The following NECAB1 variants were observed in gnomAD, a reference collection of about 807,000 sequenced individuals.
NECAB1 encodes N-terminal EF-hand calcium binding protein 1.
Under a neutral mutation model 57.5 loss-of-function variants are expected in NECAB1, and 29 were observed. The observed-to-expected ratio is 0.50, with a 90% CI of 0.38 to 0.69. The LOEUF is 0.69. Ranked by LOEUF, NECAB1 falls within the 30% of genes least tolerant of loss-of-function variation. The probability of loss-of-function intolerance (pLI) is 0.00; values close to 1 mark genes in which losing one functional copy is unlikely to be tolerated. For missense variants in NECAB1, 372 were observed against 413.8 expected (o/e 0.90, Z 0.88); for synonymous variants, 142 against 147.7 (o/e 0.96, Z 0.28).
chr8:90,827,541 G>T (rs1812244810), intron 3 of NECAB1, among the ~76,000 whole-genome samples: 1 of 151,996 alleles, frequency 6.6e-6, no homozygotes, highest in South Asian at 2.1e-4. Flanking sequence ...TTCTAAGACA[G>T]TGTTACCCAA....
intron 3 of NECAB1, among the ~76,000 whole-genome samples, chr8:90,833,525 C>A (rs962806635): frequency 1.6e-4 from 25 of 151,996 alleles, no homozygotes; most frequent in African/African-American, 5.8e-4. Context: ...TGTTTAAATT[C>A]TTTTTTAAAC....
chr8:90,913,594 T>G (rs1210761995), intron 5 of NECAB1, among the ~76,000 whole-genome samples: 7 of 152,222 alleles, frequency 4.6e-5, no homozygotes, highest in Non-Finnish European at 1.0e-4. Flanking sequence ...AAGGAATGCA[T>G]GCCTTATGCC....
chr8:90,902,291 A>G (rs914753194), intron 5 of NECAB1, among the ~76,000 whole-genome samples: 3 of 152,136 alleles, frequency 2.0e-5, no homozygotes, highest in African/African-American at 7.2e-5. Flanking sequence ...ACAATGGCAC[A>G]TGCCTGTAGT....
rs945634437 is a variant in NECAB1, at chr8:90,824,881, C to T, written c.233+56C>T. On this transcript the variant is annotated intron_variant, in intron 3 of 12. Coordinates refer to ENST00000417640, the MANE Select transcript of NECAB1 (RefSeq NM_022351.5). The stretch of plus-strand genomic sequence containing the variant: ...AAGTGAGGCACAGAGAGCGTGAATG[C>T]ATTCATGTCCAGGAAGAAGAAAGGG... The T allele has an allele frequency of 9.9e-5, 84 of 852,608 alleles. No homozygotes were observed. In the African/African-American group the frequency reaches 1.3e-3, roughly 13 times the overall value. The allele number at this position is 852,608 out of a possible 1,614,324, so 52.8% of individuals were successfully genotyped here.
intron 5 of NECAB1, among the ~76,000 whole-genome samples, chr8:90,908,497 T>C (rs1809749201): frequency 1.3e-5 from 2 of 152,292 alleles, no homozygotes; most frequent in South Asian, 4.1e-4. Flanking sequence ...AATTTGGAAG[T>C]GTTTACAGAT....
chr8:90,855,645 G>C (rs1281666501), intron 3 of NECAB1, among the ~76,000 whole-genome samples: 2 of 152,200 alleles, frequency 1.3e-5, no homozygotes, highest in Non-Finnish European at 2.9e-5. Context: ...GATTTCTTAT[G>C]TAAGGTCTTT....
At chr8:90,865,993 C>T (rs1477809097) in intron 3 of NECAB1, among the ~76,000 whole-genome samples, 1 of 152,128 alleles carries the variant, frequency 6.6e-6, no homozygotes, top group Admixed American at 6.6e-5. Flanking sequence ...TTGCTGTTAA[C>T]CTGATTTTTA....
chr8:90,906,879 ATAT>A, intron 5 of NECAB1, among the ~76,000 whole-genome samples: 1 of 89,144 alleles, frequency 1.1e-5, no homozygotes, highest in South Asian at 3.7e-4. Flanking sequence ...ATATACACAT[ATAT>A]ATATATATAT....
intron 3 of NECAB1, among the ~76,000 whole-genome samples, chr8:90,855,422 A>G (rs1812776158): frequency 6.6e-6 from 1 of 152,216 alleles, no homozygotes; most frequent in African/African-American, 2.4e-5. Context: ...TCAAATGTGC[A>G]GATAGAGATA....
At chr8:90,915,176 C>T (rs1369396029) in intron 5 of NECAB1, among the ~76,000 whole-genome samples, 7 of 152,032 alleles carry the variant, frequency 4.6e-5, no homozygotes, top group Admixed American at 2.0e-4. Context: ...TTGGTATAAT[C>T]CCTGACTTTG....
chr8:90,947,454 G>A (rs1172307080), intron 10 of NECAB1, among the ~76,000 whole-genome samples: 4 of 147,752 alleles, frequency 2.7e-5, no homozygotes, highest in Admixed American at 1.4e-4. Flanking sequence ...AGGCTGGAGT[G>A]CAGTGGCTTG....
At chr8:90,794,238 G>A (rs1811623019) in intron 1 of NECAB1, among the ~76,000 whole-genome samples, 1 of 152,170 alleles carries the variant, frequency 6.6e-6, no homozygotes, top group Admixed American at 6.5e-5. Flanking sequence ...TTAGGGATTT[G>A]TGAATTATTC....
intron 3 of NECAB1, among the ~76,000 whole-genome samples, chr8:90,827,338 C>G (rs951686097): frequency 6.6e-6 from 1 of 151,984 alleles, no homozygotes; most frequent in Non-Finnish European, 1.5e-5. Flanking sequence ...CTCACTGTCT[C>G]ACACTGTTTG....
chr8:90,807,422 C>T (rs1032802107), intron 2 of NECAB1, among the ~76,000 whole-genome samples: 1 of 152,144 alleles, frequency 6.6e-6, no homozygotes, highest in African/African-American at 2.4e-5. Flanking sequence ...AGGTTCGGTA[C>T]GTATGAGTAT....
At chr8:90,903,542 A>G (rs1809561110) in intron 5 of NECAB1, among the ~76,000 whole-genome samples, 1 of 152,194 alleles carries the variant, frequency 6.6e-6, no homozygotes, top group African/African-American at 2.4e-5. Context: ...TGAACAAAAA[A>G]GTCAAAACTT....
At chr8:90,814,982 T>C (rs1812034280) in intron 2 of NECAB1, among the ~76,000 whole-genome samples, 1 of 152,120 alleles carries the variant, frequency 6.6e-6, no homozygotes, top group African/African-American at 2.4e-5. Flanking sequence ...TACCCATGGG[T>C]ATCTATACTG....
At chr8:90,854,684 C>T (rs1586060918) in intron 3 of NECAB1, among the ~76,000 whole-genome samples, 2 of 152,330 alleles carry the variant, frequency 1.3e-5, no homozygotes, top group Admixed American at 6.5e-5. Flanking sequence ...ATGTGGTTAT[C>T]TAAAACTACT....
In NECAB1 at chr8:90,925,538, A is replaced by G; in HGVS notation, c.498A>G (p.Gln166=). The part of the protein sequence containing the change: ...TTEEQTRQER[Q]GPAKPEVLSI... ...AATGTTATCTCTGTTGATCAAGGCA[A>G]GGGCCAGCCAAGCCAGAAGTCCTGT... Residue 166 remains glutamine (Q), a synonymous_variant, in exon 7 of 13, where the codon CAA becomes CAG. Coordinates refer to ENST00000417640, the MANE Select transcript of NECAB1 (RefSeq NM_022351.5). 6.2e-7 allele frequency: 1 copy of G among 1,612,342 alleles called. No individual in the cohort carries two copies. The highest frequency in any genetic ancestry group is 8.5e-7 in the Non-Finnish European group (1 of 1,179,236).
chr8:90,884,229 G>A (rs781600064), intron 5 of NECAB1, among the ~76,000 whole-genome samples: 7 of 151,994 alleles, frequency 4.6e-5, no homozygotes, highest in South Asian at 2.1e-4. Flanking sequence ...TAGCACTGCC[G>A]GGCCTCTGCC....
Sources: allele counts gnomAD v4.1 joint callset (sites outside exome capture counted in the v4.1 genomes callset), GRCh38; gene constraint gnomAD v4.1.1; transcripts MANE v1.5; gene names NCBI Gene and HGNC (gene_info 2026-07-23, HGNC 2026-07-21).